Variants in MAP3K5 observed in about 807,000 individuals in gnomAD.
The protein encoded by MAP3K5 is ASK-1.
A neutral mutation model predicts 158.7 loss-of-function variants in MAP3K5; 56 were observed. The observed-to-expected ratio is 0.35, with a 90% CI of 0.28 to 0.44. MAP3K5 has a LOEUF of 0.44. MAP3K5 is among the 20% of genes least tolerant of loss of function. The probability of loss-of-function intolerance (pLI) is 1.00; values close to 1 mark genes in which losing one functional copy is unlikely to be tolerated. For missense variants in MAP3K5, 1,294 were observed against 1,674.8 expected (o/e 0.77, Z 3.97); for synonymous variants, 579 against 601.7 (o/e 0.96, Z 0.55).
rs892260700 is a variant in MAP3K5, at chr6:136,784,400, A to ATTCT, written c.448+7309_448+7310insAGAA. On this transcript the variant is annotated intron_variant, in intron 1 of 29. Coordinates refer to ENST00000359015, the MANE Select transcript of MAP3K5 (RefSeq NM_005923.4). ...ATTATAGTTTTGCCTTAATTGACCCATTATCCAAGAAAGCAAGAAGCAGCA... is the reference window on the plus strand; with the variant it reads ...ATTATAGTTTTGCCTTAATTGACCCATTCTTTATCCAAGAAAGCAAGAAGCAGCA... 6.6e-4 allele frequency among the ~76,000 whole-genome samples: 101 copies of ATTCT among 152,304 alleles called. 2 individuals are homozygous for ATTCT. Among genetic ancestry groups the ATTCT allele is most frequent in the African/African-American group, 2.1e-3 (87 of 41,552 alleles).
At chr6:136,607,007 CAT>C (rs1325326510) in intron 18 of MAP3K5, among the ~76,000 whole-genome samples, 19 of 152,348 alleles carry the variant, frequency 1.2e-4, no homozygotes, top group Admixed American at 2.6e-4. Flanking sequence ...TACAACTGCA[CAT>C]GTCTGCTCTC....
chr6:136,620,754 C>T (rs1164536425), intron 15 of MAP3K5, among the ~76,000 whole-genome samples: 4 of 152,324 alleles, frequency 2.6e-5, no homozygotes, highest in South Asian at 2.1e-4. Flanking sequence ...ACTACAACTG[C>T]GTTGCACTAA....
chr6:136,624,817 T>G (rs1275542168), intron 14 of MAP3K5, among the ~76,000 whole-genome samples: 1 of 152,136 alleles, frequency 6.6e-6, no homozygotes, highest in Non-Finnish European at 1.5e-5. Context: ...AATAAAAATT[T>G]AACATGAATA....
intron 1 of MAP3K5, among the ~76,000 whole-genome samples, chr6:136,724,473 C>T (rs1358976532): frequency 6.6e-6 from 1 of 152,062 alleles, no homozygotes; most frequent in Non-Finnish European, 1.5e-5. Flanking sequence ...GTCTTGAACT[C>T]CTGGCCTCAG....
At chr6:136,625,757 C>CA (rs1280140207) in intron 14 of MAP3K5, among the ~76,000 whole-genome samples, 1 of 151,928 alleles carries the variant, frequency 6.6e-6, no homozygotes, top group Non-Finnish European at 1.5e-5. Flanking sequence ...ACTCACAATC[C>CA]AAAAAATATA....
chr6:136,706,220 C>T (rs903730785), intron 2 of MAP3K5, among the ~76,000 whole-genome samples: 6 of 151,850 alleles, frequency 4.0e-5, no homozygotes, highest in Non-Finnish European at 7.4e-5. Flanking sequence ...GAGCTGAGAT[C>T]GCACCACTGC....
At chr6:136,734,421 GAAAAAA>G (rs1016817563) in intron 1 of MAP3K5, among the ~76,000 whole-genome samples, 4 of 56,736 alleles carry the variant, frequency 7.1e-5, no homozygotes, top group African/African-American at 1.4e-4. Context: ...CTCTGTCTCG[GAAAAAA>G]AAAAAAAAAA....
At chr6:136,792,540 C>CG (rs1785131429), upstream of MAP3K5, 2 of 150,378 alleles carry the variant, frequency 1.3e-5, no homozygotes, top group East Asian at 5.4e-4. This position sits in a 1 kb window ranked among gnomAD's most constrained non-coding sequence, Gnocchi z 5.7. Context: ...GCCCTCGCCA[C>CG]CCGCCGCGCC....
intron 26 of MAP3K5, among the ~76,000 whole-genome samples, chr6:136,564,745 AT>A (rs1774017584): frequency 6.6e-6 from 1 of 152,254 alleles, no homozygotes; most frequent in Non-Finnish European, 1.5e-5. Flanking sequence ...GTACTTGCAT[AT>A]TTGAGTCCTC....
chr6:136,690,984 G>A (rs1780360687), intron 7 of MAP3K5, among the ~76,000 whole-genome samples: 1 of 151,904 alleles, frequency 6.6e-6, no homozygotes, highest in South Asian at 2.1e-4. Flanking sequence ...TTGCTTGATT[G>A]GGTTTTTTTC....
intron 3 of MAP3K5, among the ~76,000 whole-genome samples, chr6:136,704,251 C>T (rs1366588636): frequency 6.6e-6 from 1 of 151,992 alleles, no homozygotes; most frequent in Non-Finnish European, 1.5e-5. Flanking sequence ...AGCTAGCTCT[C>T]AATATAAGCT....
intron 1 of MAP3K5, among the ~76,000 whole-genome samples, chr6:136,724,582 G>A (rs1781885794): frequency 6.6e-6 from 1 of 151,878 alleles, no homozygotes. Context: ...AGCAAAGTAA[G>A]GTATATTTAT....
chr6:136,680,445 T>G (rs1317298308), intron 7 of MAP3K5, among the ~76,000 whole-genome samples: 1 of 152,246 alleles, frequency 6.6e-6, no homozygotes. Flanking sequence ...TTAGATTTCT[T>G]CCAATTTTTT....
chr6:136,694,925 G>C (rs558877601), intron 6 of MAP3K5, among the ~76,000 whole-genome samples: 1 of 152,258 alleles, frequency 6.6e-6, no homozygotes, highest in South Asian at 2.1e-4. Context: ...ATTATGCTAA[G>C]TGAAAGAGGT....
chr6:136,614,446 G>A (rs2083918340), intron 15 of MAP3K5, among the ~76,000 whole-genome samples, 160 bp from the exon 16 acceptor site: 1 of 152,084 alleles, frequency 6.6e-6, no homozygotes, highest in Non-Finnish European at 1.5e-5. Context: ...ATTCTATGAG[G>A]TTGAAGGTGT....
intron 1 of MAP3K5, among the ~76,000 whole-genome samples, chr6:136,786,699 A>T (rs1755999191): frequency 1.3e-5 from 2 of 152,204 alleles, no homozygotes; most frequent in South Asian, 4.1e-4. Flanking sequence ...ATCAAGAAAA[A>T]ATCAGTGAAA....
intron 1 of MAP3K5, among the ~76,000 whole-genome samples, chr6:136,730,185 A>C: frequency 6.7e-6 from 1 of 150,088 alleles, no homozygotes; most frequent in Non-Finnish European, 1.5e-5. Flanking sequence ...TTTTTGTAGA[A>C]ACAAGGTCTC....
At position 136,576,518 on chromosome 6, in the gene MAP3K5, G is replaced by A. The variant is rs956342006; in HGVS notation, c.3517+3783C>T. ...GACAGGGTCTTGATATTTTGGCCAG[G>A]CTGGTCTCAAACTCCTGGCCTCAAG... On this transcript the variant is annotated intron_variant, in intron 25 of 29. Coordinates refer to ENST00000359015, the MANE Select transcript of MAP3K5 (RefSeq NM_005923.4). Among the ~76,000 whole-genome samples, 64 of 151,942 alleles carry A rather than the reference G, an allele frequency of 4.2e-4. 1 individual carries two copies. Among genetic ancestry groups the A allele is most frequent in the Admixed American group, 6.6e-4 (10 of 15,234 alleles).
intron 10 of MAP3K5, among the ~76,000 whole-genome samples, chr6:136,655,097 A>T (rs1345260871): frequency 6.6e-6 from 1 of 152,182 alleles, no homozygotes; most frequent in African/African-American, 2.4e-5. Context: ...ATATTCACTT[A>T]TATTTATAGT....
Sources: gnomAD v4.1 joint callset for allele counts (sites outside exome capture counted in the v4.1 genomes callset) on GRCh38, gnomAD v4.1.1 for gene constraint, Gnocchi (gnomAD v3.1) non-coding constraint, MANE v1.5 for transcripts, NCBI Gene and HGNC (gene_info 2026-07-23, HGNC 2026-07-21) for gene names.